The following SLC9A2 variants were observed in gnomAD, a reference collection of about 807,000 sequenced individuals.
SLC9A2 encodes the protein sodium/hydrogen exchanger 2.
Under a neutral mutation model 71.7 loss-of-function variants are expected in SLC9A2, and 42 were observed. That is an observed-to-expected ratio of 0.59 (90% CI 0.46 to 0.76). The LOEUF (loss-of-function observed/expected upper bound fraction) is 0.76, where lower values mean the gene tolerates loss of function less well. Ranked by LOEUF, SLC9A2 falls within the 30% of genes least tolerant of loss-of-function variation. The pLI is 0.00. For missense variants in SLC9A2, 829 were observed against 1,017.4 expected (o/e 0.81, Z 2.52); for synonymous variants, 396 against 392.5 (o/e 1.01, Z -0.10).
chr2:102,689,534 T>C (rs1263900579), intron 5 of SLC9A2, among the ~76,000 whole-genome samples: 1 of 152,170 alleles, frequency 6.6e-6, no homozygotes, highest in East Asian at 1.9e-4. Context: ...TGTGCCTTCA[T>C]TTGTCAAATA....
chr2:102,640,659 C>T (rs150183470), intron 1 of SLC9A2, among the ~76,000 whole-genome samples: 282 of 152,278 alleles, frequency 1.9e-3, no homozygotes, highest in African/African-American at 6.5e-3. Context: ...CCACCACGTA[C>T]CCACCAACAA....
intron 5 of SLC9A2, among the ~76,000 whole-genome samples, chr2:102,693,881 A>G (rs1002333553): frequency 2.0e-5 from 3 of 152,240 alleles, no homozygotes; most frequent in African/African-American, 7.2e-5. Context: ...GTTTTAATAA[A>G]TGAACAAATG....
intron 1 of SLC9A2, among the ~76,000 whole-genome samples, chr2:102,629,761 G>A (rs939153802): frequency 1.3e-5 from 2 of 151,924 alleles, no homozygotes; most frequent in Non-Finnish European, 2.9e-5. Flanking sequence ...GATTTAACAG[G>A]AGTCAACCAG....
intron 9 of SLC9A2, 77 bp from the exon 10 acceptor site, chr2:102,704,467 A>C (rs1044416628): frequency 4.2e-6 from 6 of 1,436,976 alleles, no homozygotes. Context: ...AAATGTGGTA[A>C]AGTCTTGGAA....
At chr2:102,663,941 C>G (rs781586732) in intron 2 of SLC9A2, among the ~76,000 whole-genome samples, 33 of 152,072 alleles carry the variant, frequency 2.2e-4, no homozygotes, top group Non-Finnish European at 3.8e-4. Flanking sequence ...ATGAAGTGCC[C>G]GACATTCTTG....
rs1156839329 is a variant in SLC9A2 at position 102,650,337 on chromosome 2, A to C, written c.290-7227A>C. On this transcript the variant is annotated intron_variant, in intron 1 of 11. Transcript: ENST00000233969. ...GGGGCCTGTTGGTGGGGTGGGGGGC[A>C]AGAGGAGGGAGAGCATTAGGACAAA... Among the ~76,000 whole-genome samples, 4 of 151,994 alleles carry C rather than the reference A, an allele frequency of 2.6e-5. No individual in the cohort carries two copies. In the South Asian group the frequency reaches 6.2e-4, roughly 24 times the overall value.
chr2:102,649,554 A>G (rs996667776), intron 1 of SLC9A2, among the ~76,000 whole-genome samples: 1 of 152,184 alleles, frequency 6.6e-6, no homozygotes, highest in Non-Finnish European at 1.5e-5. Flanking sequence ...ATGGGAGAAA[A>G]TTTTTGCAGT....
rs910805818 is a variant in SLC9A2 at position 102,657,735 on chromosome 2, G to A, written c.461G>A (p.Gly154Asp). 3.1e-6 allele frequency: 5 copies of A among 1,614,022 alleles called. No individual in the cohort carries two copies. Among genetic ancestry groups the A allele is most frequent in the Non-Finnish European group, 4.2e-6 (5 of 1,180,026 alleles). The change falls in exon 2 of 12, where the codon GGC becomes GAC. Residue 154 changes from glycine (G) to aspartate (D), a missense_variant. By Grantham distance (94) the Gly-to-Asp change is moderately conservative (BLOSUM62 -1). Coordinates refer to ENST00000233969, the MANE Select transcript of SLC9A2 (RefSeq NM_003048.6). Reference sequence around the variant, plus strand: ...CTCCCACCCATCGTGCTGGATGCCGGCTATTTCATGCCCACTCGCCCATTC... The same window carrying A: ...CTCCCACCCATCGTGCTGGATGCCGACTATTTCATGCCCACTCGCCCATTC... ...YLLPPIVLDAGYFMPTRPFFE... is the reference protein window; with the variant it reads ...YLLPPIVLDADYFMPTRPFFE...
At position 102,658,046 on chromosome 2, in the gene SLC9A2, G is replaced by A. The variant is rs758382991; in HGVS notation, c.753+19G>A. 1 of 1,561,504 alleles carries A rather than the reference G, an allele frequency of 6.4e-7. No individual in the cohort carries two copies. The highest frequency in any genetic ancestry group is 1.7e-5 in the Admixed American group (1 of 58,348). On this transcript the variant is annotated intron_variant, in intron 2 of 11. Coordinates refer to ENST00000233969, the MANE Select transcript of SLC9A2 (RefSeq NM_003048.6). Reference sequence around the variant, plus strand: ...AACAGTGGTGAGTCACATTCACACTGCATGACTCCAACAGGTGGGGGCTGC... The same window carrying A: ...AACAGTGGTGAGTCACATTCACACTACATGACTCCAACAGGTGGGGGCTGC...
intron 2 of SLC9A2, among the ~76,000 whole-genome samples, chr2:102,662,853 G>A (rs185234362): frequency 7.9e-5 from 12 of 152,208 alleles, no homozygotes; most frequent in African/African-American, 1.9e-4. Context: ...AGTAGGTCTC[G>A]TAGTGGCTGC....
chr2:102,675,821 C>T (rs1430469183), intron 3 of SLC9A2, among the ~76,000 whole-genome samples: 1 of 152,192 alleles, frequency 6.6e-6, no homozygotes, highest in Non-Finnish European at 1.5e-5. Context: ...AATAAAATGA[C>T]TCAAATTTCA....
chr2:102,644,985 C>T (rs541991392), intron 1 of SLC9A2, among the ~76,000 whole-genome samples: 1 of 152,286 alleles, frequency 6.6e-6, no homozygotes, highest in Admixed American at 6.5e-5. Context: ...AGTCCCTGAC[C>T]CCCGTGGCTC....
At chr2:102,692,479 T>G (rs916966818) in intron 5 of SLC9A2, among the ~76,000 whole-genome samples, 1 of 152,152 alleles carries the variant, frequency 6.6e-6, no homozygotes, top group African/African-American at 2.4e-5. Context: ...AAATCCTAAC[T>G]ACCCTTCCTA....
intron 1 of SLC9A2, among the ~76,000 whole-genome samples, chr2:102,634,170 T>C (rs2104503169): frequency 6.6e-6 from 1 of 152,338 alleles, no homozygotes; most frequent in African/African-American, 2.4e-5. Context: ...GTCCATGATA[T>C]TTCTGGTTTA....
chr2:102,652,819 C>A (rs186087402), intron 1 of SLC9A2, among the ~76,000 whole-genome samples: 16 of 152,200 alleles, frequency 1.1e-4, no homozygotes, highest in Non-Finnish European at 1.9e-4. Flanking sequence ...ATGACTGATA[C>A]ATTTTTTCCC....
At chr2:102,629,672 C>A (rs1676320435) in intron 1 of SLC9A2, among the ~76,000 whole-genome samples, 1 of 151,984 alleles carries the variant, frequency 6.6e-6, no homozygotes, top group Non-Finnish European at 1.5e-5. Context: ...ATTTCTCTTT[C>A]TTATTTGTTT....
Position 102,701,153 on chromosome 2 carries a change from A to G in SLC9A2, c.1670A>G (p.Lys557Arg). 6.2e-7 allele frequency: 1 copy of G among 1,611,760 alleles called. No individual in the cohort carries two copies. Among genetic ancestry groups the G allele is most frequent in the Non-Finnish European group, 8.5e-7 (1 of 1,178,886 alleles). Reference protein sequence around the residue: ...QPKSSIVSLYKKLEIKHAIEM... With the variant: ...QPKSSIVSLYRKLEIKHAIEM... ...AAGTCAAGTATTGTATCTTTATATA[A>G]AAAGCTTGAAATAAAACATGCCATT... The change falls in exon 8 of 12, where the codon AAA (lysine) becomes AGA (arginine). Residue 557 changes from lysine to arginine, a missense_variant. Around this residue, in one of 3 missense-constraint regions of SLC9A2, gnomAD observed 500 missense variants for 726.3 expected, o/e 0.69. Transcript: ENST00000233969.
At chr2:102,664,191 G>T (rs1004824256) in intron 2 of SLC9A2, among the ~76,000 whole-genome samples, 12 of 151,476 alleles carry the variant, frequency 7.9e-5, no homozygotes, top group Non-Finnish European at 2.9e-5. Flanking sequence ...CAGGAGAATG[G>T]CTTGAACCCG....
intron 2 of SLC9A2, among the ~76,000 whole-genome samples, chr2:102,663,643 T>C (rs1191953130): frequency 6.6e-6 from 1 of 152,210 alleles, no homozygotes; most frequent in African/African-American, 2.4e-5. Context: ...TGACATTTTG[T>C]GTCATTTGAC....
Sources: allele counts gnomAD v4.1 joint callset (sites outside exome capture counted in the v4.1 genomes callset), GRCh38; gene constraint gnomAD v4.1.1; regional missense constraint gnomAD v4.1.1; transcripts MANE v1.5; gene names NCBI Gene and HGNC (gene_info 2026-07-23, HGNC 2026-07-21).